Variants in CABLES1 observed in about 807,000 individuals in gnomAD.
CABLES1 encodes Cdk5 and Abl enzyme substrate 1.
In CABLES1, 36 loss-of-function variants were observed where a neutral mutation model predicts 57.8. The observed-to-expected ratio is 0.62, with a 90% CI of 0.48 to 0.82. The LOEUF is 0.82. Ranked by LOEUF, CABLES1 falls within the 40% of genes least tolerant of loss-of-function variation. CABLES1 has a pLI of 0.00. For synonymous variants in CABLES1, 374 were observed against 363.0 expected (o/e 1.03, Z -0.35); for missense variants, 767 against 836.6 (o/e 0.92, Z 1.03).
intron 9 of CABLES1, 145 bp from the exon 10 acceptor site, chr18:23,257,082 C>A (rs889173679): frequency 2.3e-6 from 2 of 862,146 alleles, no homozygotes; most frequent in Non-Finnish European, 3.5e-6. Flanking sequence ...ACAGCCTGTG[C>A]CTCCCTTTCT....
chr18:23,218,117 C>G (rs1031806389), intron 4 of CABLES1, among the ~76,000 whole-genome samples: 3 of 152,238 alleles, frequency 2.0e-5, no homozygotes, highest in African/African-American at 7.2e-5. Flanking sequence ...CAAGAAAGTT[C>G]TAAAAACAGG....
chr18:23,250,340 T>C (rs1446803409), intron 7 of CABLES1, among the ~76,000 whole-genome samples: 1 of 45,168 alleles, frequency 2.2e-5, no homozygotes, highest in Non-Finnish European at 3.4e-5. Flanking sequence ...GGTGCCTGGA[T>C]TGGGGGGTGA....
chr18:23,219,047 AC>A (rs201981403), intron 4 of CABLES1: 8 of 379,684 alleles, frequency 2.1e-5, no homozygotes, highest in Non-Finnish European at 3.7e-5. Context: ...CTTTATCCCC[AC>A]CCCCCCGCAA....
intron 1 of CABLES1, among the ~76,000 whole-genome samples, chr18:23,179,818 G>C (rs1328646866): frequency 6.6e-6 from 1 of 152,262 alleles, no homozygotes; most frequent in Non-Finnish European, 1.5e-5. Flanking sequence ...TGCTTTAAGG[G>C]TCTGTGTATC....
intron 1 of CABLES1, among the ~76,000 whole-genome samples, chr18:23,138,483 G>A (rs1329640511): frequency 1.3e-5 from 2 of 152,122 alleles, no homozygotes; most frequent in South Asian, 4.1e-4. Flanking sequence ...TTACAGCTGT[G>A]AACAGAAACA....
chr18:23,245,282 C>T (rs192215800), intron 7 of CABLES1, among the ~76,000 whole-genome samples: 6 of 152,152 alleles, frequency 3.9e-5, no homozygotes, highest in Admixed American at 2.6e-4. Flanking sequence ...CTGAGGTGGG[C>T]GGATCACTTG....
chr18:23,226,632 A>C (rs1037706153), intron 4 of CABLES1, among the ~76,000 whole-genome samples: 1 of 152,172 alleles, frequency 6.6e-6, no homozygotes, highest in Non-Finnish European at 1.5e-5. Flanking sequence ...CTGAGTTCCA[A>C]CTTGCCAGCC....
At chr18:23,247,410 G>A (rs1409904048) in intron 7 of CABLES1, among the ~76,000 whole-genome samples, 27 of 152,246 alleles carry the variant, frequency 1.8e-4, no homozygotes, top group African/African-American at 6.5e-4. Flanking sequence ...CTGGTGCAGA[G>A]CAGTGGCCTC....
chr18:23,208,649 G>T (rs1304620889), intron 3 of CABLES1, among the ~76,000 whole-genome samples: 2 of 152,178 alleles, frequency 1.3e-5, no homozygotes, highest in Non-Finnish European at 2.9e-5. Flanking sequence ...CTGAGCTGGG[G>T]TGCATGGCCC....
chr18:23,256,856 T>C (rs1267791347), intron 9 of CABLES1, among the ~76,000 whole-genome samples: 1 of 152,210 alleles, frequency 6.6e-6, no homozygotes, highest in Non-Finnish European at 1.5e-5. Flanking sequence ...CCAGTTAGGG[T>C]GGACTCTTAG....
intron 1 of CABLES1, among the ~76,000 whole-genome samples, chr18:23,183,616 A>G (rs759495435): frequency 2.0e-5 from 3 of 152,188 alleles, no homozygotes; most frequent in African/African-American, 4.8e-5. Flanking sequence ...CTGAGTGTAC[A>G]TTCAGTCTGA....
intron 1 of CABLES1, among the ~76,000 whole-genome samples, chr18:23,188,589 A>AT (rs1246594064): frequency 1.4e-5 from 2 of 140,048 alleles, no homozygotes; most frequent in African/African-American, 5.6e-5. Flanking sequence ...TGTCAGCATC[A>AT]AAAGGATCAG....
chr18:23,195,344 G>A (rs1345846768), intron 3 of CABLES1, among the ~76,000 whole-genome samples: 1 of 152,216 alleles, frequency 6.6e-6, no homozygotes, highest in Non-Finnish European at 1.5e-5. Flanking sequence ...ATCCAGAGCT[G>A]AGGTCCTGCT....
At position 23,257,110 on chromosome 18, in the gene CABLES1, C is replaced by A. The variant is rs540890334; in HGVS notation, c.1762-117C>A. 42 of 1,170,794 alleles carry A rather than the reference C, an allele frequency of 3.6e-5. No homozygotes were observed. In the African/African-American group the frequency reaches 6.3e-4, roughly 18 times the overall value. The allele number at this position is 1,170,794 out of a possible 1,614,324, so 72.5% of individuals were successfully genotyped here. On this transcript the variant is annotated intron_variant, in intron 9 of 9. Coordinates refer to ENST00000256925, the MANE Select transcript of CABLES1 (RefSeq NM_001100619.3). ...CCCTTTCTTCCTCCACAGAGCTTTG[C>A]CCAAAGTGGATTTCTCCTGAGCACT...
intron 4 of CABLES1, among the ~76,000 whole-genome samples, chr18:23,221,388 C>T (rs558613998): frequency 6.6e-6 from 1 of 152,336 alleles, no homozygotes; most frequent in African/African-American, 2.4e-5. Context: ...GCATGAACCC[C>T]TAGTGGCTCT....
At chr18:23,209,569 C>T (rs2047388661) in intron 3 of CABLES1, among the ~76,000 whole-genome samples, 1 of 152,104 alleles carries the variant, frequency 6.6e-6, no homozygotes, top group African/African-American at 2.4e-5. Context: ...TGTGTTTGGG[C>T]TTCACTGTAT....
chr18:23,236,040 G>C lies in CABLES1; in HGVS notation c.1331G>C (p.Ser444Thr). Residue 444 changes from serine to threonine, a missense_variant, in exon 6 of 10, where the codon AGC (serine) becomes ACC (threonine). By Grantham distance (58) the Ser-to-Thr change is moderately conservative. Coordinates refer to ENST00000256925, the MANE Select transcript of CABLES1 (RefSeq NM_001100619.3). ...GGCCGGGCAAGCGGCACCCAGGGGA[G>C]CCTCGACACAGGTAACCTTGGCCTG... ...SIGRASGTQG[S>T]LDTGSDLGDF... 1.2e-6 allele frequency: 2 copies of C among 1,614,092 alleles called. No homozygotes were observed. The highest frequency in any genetic ancestry group is 2.2e-5 in the South Asian group (2 of 91,068).
At chr18:23,178,140 A>G (rs1229525652) in intron 1 of CABLES1, among the ~76,000 whole-genome samples, 2 of 150,452 alleles carry the variant, frequency 1.3e-5, no homozygotes, top group African/African-American at 4.9e-5. Context: ...CCCCTCCATG[A>G]GTATCCAATG....
intron 1 of CABLES1, among the ~76,000 whole-genome samples, chr18:23,152,581 T>C (rs2046937950): frequency 6.7e-6 from 1 of 150,074 alleles, no homozygotes; most frequent in African/African-American, 2.5e-5. Flanking sequence ...GCCTCCTGGG[T>C]TCAGGCGATT....
Sources: gnomAD v4.1 joint callset for allele counts (sites outside exome capture counted in the v4.1 genomes callset) on GRCh38, gnomAD v4.1.1 for gene constraint, MANE v1.5 for transcripts, NCBI Gene and HGNC (gene_info 2026-07-23, HGNC 2026-07-21) for gene names.